The following USP28 variants were observed in gnomAD, a reference collection of about 807,000 sequenced individuals.
USP28 encodes the protein ubiquitin carboxyl-terminal hydrolase 28.
In USP28, 113 loss-of-function variants were observed where a neutral mutation model predicts 145.0. That is an observed-to-expected ratio of 0.78 (90% confidence interval 0.67 to 0.91). The LOEUF is 0.91. Ranked by LOEUF, USP28 falls within the 40% of genes least tolerant of loss-of-function variation. The pLI is 0.00. For missense variants in USP28, 1,201 were observed against 1,289.6 expected, an observed-to-expected ratio of 0.93 and a Z score of 1.05; for synonymous variants, 447 against 450.9, an observed-to-expected ratio of 0.99 and a Z score of 0.11.
intron 5 of USP28, chr11:113,835,125 T>A (rs1226262973): frequency 2.7e-6 from 1 of 376,402 alleles, no homozygotes; most frequent in Non-Finnish European, 5.1e-6. Context: ...TTGTATTTTT[T>A]AAAAGTTTAA....
chr11:113,840,016 G>GA (rs1489553621), intron 5 of USP28, among the ~76,000 whole-genome samples: 3 of 151,730 alleles, frequency 2.0e-5, no homozygotes, highest in Non-Finnish European at 4.4e-5. Flanking sequence ...GTGTCAGAAA[G>GA]AAAAAAACAA....
chr11:113,799,224 T>C, exon 25 of USP28: 4 of 1,608,190 alleles, frequency 2.5e-6, no homozygotes, highest in Non-Finnish European at 2.5e-6. Flanking sequence ...AGAATGGGCC[T>C]TGAACATGTG....
chr11:113,872,504 C>A (rs1254439915), intron 1 of USP28, among the ~76,000 whole-genome samples: 1 of 151,164 alleles, frequency 6.6e-6, no homozygotes, highest in Non-Finnish European at 1.5e-5. Flanking sequence ...AAAAAAAATA[C>A]TGTTTGCATT....
chr11:113,809,398 G>A lies in USP28; in HGVS notation c.1973-144C>T, dbSNP rs1207957847. On this transcript the variant is annotated intron_variant, in intron 16 of 24. Transcript: ENST00000003302. ...AGAATCCATCAGAAATGCAGGCTGA[G>A]TATCTCTTATCCAAAATGATTGGGA... 4 of 809,532 alleles carry A rather than the reference G, an allele frequency of 4.9e-6. No individual in the cohort carries two copies. In the African/African-American group the frequency reaches 6.8e-5, roughly 14 times the overall value. The allele number at this position is 809,532 out of a possible 1,614,324, so 50.1% of individuals were successfully genotyped here.
rs1489218128 is a variant in USP28 at position 113,863,948 on chromosome 11, A to G, written c.58-9613T>C. Among the ~76,000 whole-genome samples, 4 of 150,636 alleles carry G rather than the reference A, an allele frequency of 2.7e-5. No individual in the cohort carries two copies. In the East Asian group the frequency reaches 7.9e-4, roughly 30 times the overall value. On this transcript the variant is annotated intron_variant, in intron 1 of 24. Transcript: ENST00000003302. ...CGACACAGCGAGACTCCGTCTCGAA[A>G]AAAAAAATTGCTGGTCACGGTGGCT...
chr11:113,863,490 C>G (rs1294795217), intron 1 of USP28, among the ~76,000 whole-genome samples: 2 of 151,260 alleles, frequency 1.3e-5, no homozygotes, highest in East Asian at 3.9e-4. Flanking sequence ...ACAGAAAACA[C>G]AAAAATTAGT....
In USP28 at chr11:113,806,424, A is replaced by T. The variant is rs889314259; in HGVS notation, c.2400+65T>A. 8 of 1,397,494 alleles carry T rather than the reference A, an allele frequency of 5.7e-6. No individual in the cohort carries two copies. In the African/African-American group the frequency reaches 1.1e-4, roughly 20 times the overall value. The allele number at this position is 1,397,494 out of a possible 1,614,324, so 86.6% of individuals were successfully genotyped here. A position where few individuals can be genotyped will look rare whatever the true frequency, so the allele number is the denominator to read the frequency against. Reference sequence around the variant, plus strand: ...TTAACCCCATTTTTTCCCTTCTTATAGAATTATTTCCCCAATATTATGATG... The same window carrying T: ...TTAACCCCATTTTTTCCCTTCTTATTGAATTATTTCCCCAATATTATGATG... On this transcript the variant is annotated intron_variant, in intron 19 of 24. Transcript: ENST00000003302.
At chr11:113,851,997 A>G (rs2136457003) in intron 3 of USP28, among the ~76,000 whole-genome samples, 2 of 152,344 alleles carry the variant, frequency 1.3e-5, no homozygotes, top group East Asian at 3.9e-4. Flanking sequence ...CACTAAATAA[A>G]TGCTAAACAA....
intron 1 of USP28, among the ~76,000 whole-genome samples, chr11:113,873,639 A>G (rs904350529): frequency 2.6e-5 from 4 of 152,232 alleles, no homozygotes; most frequent in African/African-American, 9.6e-5. Flanking sequence ...CTCTAAATCA[A>G]TATGATAGTC....
intron 5 of USP28, among the ~76,000 whole-genome samples, chr11:113,837,378 T>C (rs888623487): frequency 5.9e-5 from 9 of 152,142 alleles, no homozygotes; most frequent in African/African-American, 2.2e-4. Flanking sequence ...GGGCATCCCA[T>C]CTCTAGTGAC....
intron 3 of USP28, among the ~76,000 whole-genome samples, chr11:113,850,576 T>C (rs575494381): frequency 1.6e-4 from 24 of 152,256 alleles, no homozygotes; most frequent in Middle Eastern, 3.4e-3. Context: ...CAAATGTCCA[T>C]TAACACCACC....
At chr11:113,808,563 C>T in intron 17 of USP28, 126 bp from the exon 18 acceptor site, 1 of 997,708 alleles carries the variant, frequency 1.0e-6, no homozygotes, top group Non-Finnish European at 1.4e-6. Context: ...TTACAAAAGC[C>T]TATGCAGATT....
At chr11:113,857,346 C>G (rs181169647) in intron 1 of USP28, among the ~76,000 whole-genome samples, 2 of 152,194 alleles carry the variant, frequency 1.3e-5, no homozygotes, top group African/African-American at 2.4e-5. Flanking sequence ...AAATCTGAAA[C>G]TGTAAACATT....
At chr11:113,817,024 G>A (rs1189450956) in intron 13 of USP28, among the ~76,000 whole-genome samples, 1 of 152,140 alleles carries the variant, frequency 6.6e-6, no homozygotes, top group Non-Finnish European at 1.5e-5. Flanking sequence ...TGACAAAAAA[G>A]TCTAACTTTT....
chr11:113,814,777 A>C (rs1236068312), intron 14 of USP28, among the ~76,000 whole-genome samples: 5 of 152,060 alleles, frequency 3.3e-5, no homozygotes, highest in Admixed American at 2.0e-4. Context: ...GGCCAGACGT[A>C]GTGGCTCACA....
intron 11 of USP28, among the ~76,000 whole-genome samples, chr11:113,827,028 G>T (rs1220273748): frequency 1.3e-5 from 2 of 151,376 alleles, no homozygotes; most frequent in Non-Finnish European, 2.9e-5. Context: ...TTCACCTAAA[G>T]TCTTGCTTCC....
In USP28 at chr11:113,840,938, A is replaced by G. The variant is rs758226492; in HGVS notation, c.375-181T>C. On this transcript the variant is annotated intron_variant, in intron 4 of 24. Transcript: ENST00000003302. Reference sequence around the variant, plus strand: ...TGCAACTGAAAAGCAAGATTTATACATAGAAATGTTAATCCCTCCATAACA... The same window carrying G: ...TGCAACTGAAAAGCAAGATTTATACGTAGAAATGTTAATCCCTCCATAACA... Among the ~76,000 whole-genome samples the G allele has an allele frequency of 1.1e-4, 16 of 152,356 alleles. No homozygotes were observed. The South Asian group carries it at 2.7e-3, about 26-fold the overall frequency.
At chr11:113,804,123 G>A (rs773574259) in intron 21 of USP28, among the ~76,000 whole-genome samples, 1 of 152,090 alleles carries the variant, frequency 6.6e-6, no homozygotes, top group Admixed American at 6.6e-5. Flanking sequence ...TACGAGCTTC[G>A]GATTTTATCC....
At chr11:113,844,142 T>C (rs767899488) in intron 3 of USP28, among the ~76,000 whole-genome samples, 1 of 151,842 alleles carries the variant, frequency 6.6e-6, no homozygotes, top group African/African-American at 2.4e-5. Context: ...AAGGACACCA[T>C]CAAGAAGTGA....
Sources: allele counts gnomAD v4.1 joint callset (sites outside exome capture counted in the v4.1 genomes callset), GRCh38; gene constraint gnomAD v4.1.1; transcripts MANE v1.5; gene names NCBI Gene and HGNC (gene_info 2026-07-23, HGNC 2026-07-21).